Variants in TRAPPC12 observed in about 807,000 individuals in gnomAD.
TRAPPC12 encodes trafficking protein particle complex subunit 12.
In TRAPPC12, 61 loss-of-function variants were observed where a neutral mutation model predicts 69.2. That is an observed-to-expected ratio of 0.88 (90% CI 0.72 to 1.09). The LOEUF (loss-of-function observed/expected upper bound fraction) is 1.09, where lower values mean the gene tolerates loss of function less well. Among genes scored for constraint, TRAPPC12 ranks in the 50% least tolerant of loss-of-function variants. The pLI is 0.00. For synonymous variants in TRAPPC12, 469 were observed against 438.9 expected (o/e 1.07, Z -0.86); for missense variants, 1,101 against 1,016.4 (o/e 1.08, Z -1.13).
At chr2:3,411,337 T>C (rs563174224) in intron 3 of TRAPPC12, among the ~76,000 whole-genome samples, 2 of 152,374 alleles carry the variant, frequency 1.3e-5, no homozygotes, top group African/African-American at 4.8e-5. Flanking sequence ...GGTTGATTTC[T>C]GACAGGCCAG....
intron 3 of TRAPPC12, among the ~76,000 whole-genome samples, chr2:3,406,949 C>G (rs1661766203): frequency 1.3e-5 from 2 of 152,182 alleles, no homozygotes; most frequent in Non-Finnish European, 2.9e-5. Flanking sequence ...ATTAACAGGC[C>G]TAACAAGGGA....
chr2:3,394,975 G>A (rs891098592), intron 2 of TRAPPC12, among the ~76,000 whole-genome samples: 4 of 152,150 alleles, frequency 2.6e-5, no homozygotes, highest in African/African-American at 9.7e-5. Context: ...GCAAAATAAT[G>A]TTGGGAAAGC....
At position 3,388,727 on chromosome 2, in the gene TRAPPC12, AC is replaced by A. The variant is rs1486570204; in HGVS notation, c.1047+58del. ...TGCCTCCTCTCTGCGTCTGTGAGATACGCACAGTGCCCCTTTAGGGATGGAG... is the reference window on the plus strand; with the variant it reads ...TGCCTCCTCTCTGCGTCTGTGAGATAGCACAGTGCCCCTTTAGGGATGGAG... On this transcript the variant is annotated intron_variant, in intron 2 of 11. Transcript: ENST00000324266. 1.8e-5 allele frequency: 26 copies of A among 1,441,818 alleles called. No homozygotes were observed. The African/African-American group carries it at 3.4e-4, about 19-fold the overall frequency. 89.3% of individuals were successfully genotyped at this position (1,441,818 alleles called of 1,614,324 possible). A position where few individuals can be genotyped will look rare whatever the true frequency, so the allele number is the denominator to read the frequency against.
chr2:3,429,971 T>G (rs1423786642), intron 5 of TRAPPC12, among the ~76,000 whole-genome samples: 1 of 152,270 alleles, frequency 6.6e-6, no homozygotes, highest in Non-Finnish European at 1.5e-5. Flanking sequence ...AATCATGGTT[T>G]GTTGTGTATT....
At chr2:3,417,125 C>T (rs113006552) in intron 3 of TRAPPC12, among the ~76,000 whole-genome samples, 3 of 152,196 alleles carry the variant, frequency 2.0e-5, no homozygotes, top group Non-Finnish European at 2.9e-5. Context: ...GCACTTTTCA[C>T]GTGACTGTTC....
At chr2:3,433,517 G>GA (rs1488913620) in intron 5 of TRAPPC12, among the ~76,000 whole-genome samples, 5 of 152,212 alleles carry the variant, frequency 3.3e-5, no homozygotes, top group Non-Finnish European at 7.3e-5. Context: ...AGGCTGCAGA[G>GA]AGGATGTGAG....
rs1048795592 is a variant in TRAPPC12, at chr2:3,387,694, C to T, written c.71C>T (p.Pro24Leu). Residue 24 changes from proline (P) to leucine (L), a missense_variant, in exon 2 of 12, where the codon CCG becomes CTG. By Grantham distance (98) the Pro-to-Leu change is moderately conservative. Coordinates refer to ENST00000324266, the MANE Select transcript of TRAPPC12 (RefSeq NM_016030.6). ...CCGCACCCCCCTCAGCTCGCGCCTC[C>T]GGAGGAGCAGGGGTTGCTCTTCCAG... ...EAPHPPQLAP[P>L]EEQGLLFQEE... The T allele has an allele frequency of 6.3e-7, 1 of 1,576,220 alleles. No homozygotes were observed. The highest frequency in any genetic ancestry group is 8.6e-7 in the Non-Finnish European group (1 of 1,161,388).
intron 3 of TRAPPC12, among the ~76,000 whole-genome samples, chr2:3,405,824 T>A (rs146510511): frequency 6.6e-6 from 1 of 152,268 alleles, no homozygotes; most frequent in Non-Finnish European, 1.5e-5. Flanking sequence ...GTAACTCTTA[T>A]GATTCTTCAT....
chr2:3,421,479 CAT>C (rs1662780875), intron 3 of TRAPPC12, among the ~76,000 whole-genome samples: 1 of 152,236 alleles, frequency 6.6e-6, no homozygotes, highest in South Asian at 2.1e-4. Flanking sequence ...ATGTCCAACA[CAT>C]AGCATAAAAT....
At chr2:3,466,430 G>A (rs1460625233) in intron 9 of TRAPPC12, 1 of 468,488 alleles carries the variant, frequency 2.1e-6, no homozygotes. Context: ...TCACCTCACG[G>A]TGTGACTGGC....
intron 5 of TRAPPC12, among the ~76,000 whole-genome samples, chr2:3,441,648 C>A (rs182135141): frequency 6.7e-4 from 94 of 139,614 alleles, no homozygotes; most frequent in Non-Finnish European, 1.1e-3. Flanking sequence ...TATTATAATA[C>A]AATAATATTT....
Position 3,387,968 on chromosome 2 carries a change from C to T in TRAPPC12, c.345C>T (p.Asp115=), listed in dbSNP as rs749679920. 8.1e-6 allele frequency: 12 copies of T among 1,477,384 alleles called. No homozygotes were observed. The African/African-American group carries it at 8.8e-5, about 11-fold the overall frequency. The allele number at this position is 1,477,384 out of a possible 1,614,324, so 91.5% of individuals were successfully genotyped here. ...CCCCGAGTCCCAGCGGCGAGGCCGACGGCGACTGTGCCCCCGAGGACGCGG... is the reference window on the plus strand; with the variant it reads ...CCCCGAGTCCCAGCGGCGAGGCCGATGGCGACTGTGCCCCCGAGGACGCGG... ...AGTPSPSGEA[D]GDCAPEDAAP... The change falls in exon 2 of 12, where the codon GAC becomes GAT. Residue 115 remains aspartate, a synonymous_variant. Transcript: ENST00000324266.
At chr2:3,387,063 G>T (rs1394855539) in intron 1 of TRAPPC12, among the ~76,000 whole-genome samples, 1 of 152,204 alleles carries the variant, frequency 6.6e-6, no homozygotes, top group Non-Finnish European at 1.5e-5. Flanking sequence ...GGGTCTCAAA[G>T]AGCTGTTTGT....
intron 2 of TRAPPC12, among the ~76,000 whole-genome samples, chr2:3,394,845 G>A (rs1298241613): frequency 6.6e-6 from 1 of 152,118 alleles, no homozygotes; most frequent in Admixed American, 6.6e-5. Flanking sequence ...ATAAATCGTA[G>A]GGGAGTTTTT....
In TRAPPC12 at chr2:3,478,918, T is replaced by A; in HGVS notation, c.1950T>A (p.Asp650Glu). The A allele has an allele frequency of 6.2e-7, 1 of 1,614,128 alleles. No individual in the cohort carries two copies. Among genetic ancestry groups the A allele is most frequent in the Non-Finnish European group, 8.5e-7 (1 of 1,180,028 alleles). ...TCTTCACAGAGATCTTAAGGATGGA[T>A]CCAAGAAACGCAGTGGTAAGATCCC... ...HRFFTEILRMDPRNAVANNNA... is the reference protein window; with the variant it reads ...HRFFTEILRMEPRNAVANNNA... Residue 650 changes from aspartate (D) to glutamate (E), a missense_variant, in exon 11 of 12, where the codon GAT (aspartate) becomes GAA (glutamate). By Grantham distance (45) the Asp-to-Glu change is conservative. Coordinates refer to ENST00000324266, the MANE Select transcript of TRAPPC12 (RefSeq NM_016030.6).
chr2:3,462,802 G>T, intron 8 of TRAPPC12: 1 of 432,404 alleles, frequency 2.3e-6, no homozygotes. Flanking sequence ...GGTGGCTTGG[G>T]CCCCCCCTCC....
At chr2:3,433,638 C>T (rs1297922633) in intron 5 of TRAPPC12, among the ~76,000 whole-genome samples, 2 of 152,172 alleles carry the variant, frequency 1.3e-5, no homozygotes, top group South Asian at 2.1e-4. Flanking sequence ...CACCAAGGCC[C>T]GGGCAATTCC....
chr2:3,403,751 AT>A (rs1661581516), intron 3 of TRAPPC12, among the ~76,000 whole-genome samples: 2 of 152,212 alleles, frequency 1.3e-5, no homozygotes, highest in African/African-American at 2.4e-5. Context: ...AAACAGTAAT[AT>A]GTAAATCACT....
intron 9 of TRAPPC12, among the ~76,000 whole-genome samples, chr2:3,468,162 G>T (rs1458838011): frequency 6.6e-6 from 1 of 151,996 alleles, no homozygotes; most frequent in Non-Finnish European, 1.5e-5. Flanking sequence ...GACCTCTCGT[G>T]GGCTGTTCCT....
Sources: allele counts gnomAD v4.1 joint callset (sites outside exome capture counted in the v4.1 genomes callset), GRCh38; gene constraint gnomAD v4.1.1; transcripts MANE v1.5; gene names NCBI Gene and HGNC (gene_info 2026-07-23, HGNC 2026-07-21).